PDXDC1: variants seen among roughly 807,000 people sequenced by gnomAD.
PDXDC1 encodes the protein pyridoxal dependent decarboxylase domain containing 1.
A neutral mutation model predicts 100.1 loss-of-function variants in PDXDC1; 42 were observed. The observed-to-expected ratio is 0.42, with a 90% CI of 0.33 to 0.54. The LOEUF (loss-of-function observed/expected upper bound fraction) is 0.54, where lower values mean the gene tolerates loss of function less well. Ranked by LOEUF, PDXDC1 falls within the 20% of genes least tolerant of loss-of-function variation. PDXDC1 has a pLI of 0.10. For synonymous variants in PDXDC1, 260 were observed against 371.7 expected, an observed-to-expected ratio of 0.70 and a Z score of 3.46; for missense variants, 636 against 979.2, an observed-to-expected ratio of 0.65 and a Z score of 4.68.
At chr16:15,072,273 A>T (rs2045269485) in intron 16 of PDXDC1, among the ~76,000 whole-genome samples, 1 of 151,952 alleles carries the variant, frequency 6.6e-6, no homozygotes, top group Non-Finnish European at 1.5e-5. Context: ...AAGAAGAAGA[A>T]GAAAAGACAA....
At chr16:14,994,221 G>A (rs79690740) in intron 1 of PDXDC1, among the ~76,000 whole-genome samples, 9,835 of 115,778 alleles carry the variant, frequency 0.085, 14 homozygotes, top group Middle Eastern at 0.15. Context: ...GCCCATGCCT[G>A]TGTCCTGAAT....
chr16:15,100,947 C>A (rs900689708), intron 16 of PDXDC1, among the ~76,000 whole-genome samples: 1 of 152,204 alleles, frequency 6.6e-6, no homozygotes, highest in African/African-American at 2.4e-5. Context: ...GATCTCCCCA[C>A]TGCATCCTGC....
intron 16 of PDXDC1, among the ~76,000 whole-genome samples, chr16:15,082,565 C>G (rs148964871): frequency 6.6e-6 from 1 of 151,724 alleles, no homozygotes; most frequent in Admixed American, 6.6e-5. Flanking sequence ...CCCACCTACT[C>G]GGGAGGCTGA....
In PDXDC1 at chr16:15,063,176, T is replaced by G. The variant is rs537378199; in HGVS notation, c.1399+33120T>G. ...CAGAAAGGAGATTCCGAGAGTGTGC[T>G]CAATCAATCACAAACTGACCTTTTT... is the stretch of plus-strand genomic sequence containing the variant. On this transcript the variant is annotated intron_variant, in intron 16 of 16. Coordinates refer to the PDXDC1 transcript ENST00000535621. 61 of 1,499,358 alleles carry G rather than the reference T, an allele frequency of 4.1e-5. No individual in the cohort carries two copies. In the South Asian group the frequency reaches 5.9e-4, roughly 14 times the overall value. The allele number at this position is 1,499,358 out of a possible 1,614,324, so 92.9% of individuals were successfully genotyped here.
At chr16:15,039,845 C>T (rs1168945758), downstream of PDXDC1, 1 of 667,778 alleles carries the variant, frequency 1.5e-6, no homozygotes, top group East Asian at 2.5e-5. Context: ...GTGCTGGTCC[C>T]TGATAATGTA....
intron 3 of PDXDC1, among the ~76,000 whole-genome samples, chr16:14,999,352 C>T (rs1383980864): frequency 3.3e-5 from 5 of 152,158 alleles, no homozygotes; most frequent in Admixed American, 1.3e-4. Context: ...CAGGCATAAG[C>T]CACCGCACCT....
At chr16:15,011,342 A>G (rs2041244773) in intron 8 of PDXDC1, among the ~76,000 whole-genome samples, 1 of 152,296 alleles carries the variant, frequency 6.6e-6, no homozygotes. Flanking sequence ...TAGAGCTTGG[A>G]TATCCATATG....
chr16:15,130,883 C>T (rs1483341303), intron 16 of PDXDC1: 115 of 725,210 alleles, frequency 1.6e-4, no homozygotes, highest in Middle Eastern at 3.6e-4. Context: ...CCCTCTGCCA[C>T]GGGCCTGAAA....
At chr16:15,000,799 G>C (rs557242300) in intron 3 of PDXDC1, among the ~76,000 whole-genome samples, 1 of 151,894 alleles carries the variant, frequency 6.6e-6, no homozygotes, top group South Asian at 2.1e-4. Context: ...TAGTCCAAAC[G>C]GACAAGATCC....
chr16:14,979,313 G>A (rs570618443), intron 1 of PDXDC1, among the ~76,000 whole-genome samples: 5 of 152,260 alleles, frequency 3.3e-5, no homozygotes, highest in African/African-American at 1.2e-4. Flanking sequence ...TTTTTGAGAT[G>A]GAGTCTCCCT....
intron 16 of PDXDC1, among the ~76,000 whole-genome samples, chr16:15,049,489 C>T (rs994050302): frequency 6.6e-6 from 1 of 151,398 alleles, no homozygotes; most frequent in Non-Finnish European, 1.5e-5. Flanking sequence ...AGTGCAGTGG[C>T]GTGATCTCAG....
At chr16:15,134,984 C>T in intron 16 of PDXDC1, 1 of 416,556 alleles carries the variant, frequency 2.4e-6, no homozygotes. Flanking sequence ...GGGACATGGG[C>T]TGGGGACAGT....
At chr16:15,136,432 C>T (rs1294186348) in intron 16 of PDXDC1, 20 of 601,180 alleles carry the variant, frequency 3.3e-5, no homozygotes, top group Admixed American at 1.8e-4. Context: ...ACGGCCCCAC[C>T]GGCCGGCGCC....
intron 16 of PDXDC1, chr16:15,130,171 C>A: frequency 1.3e-6 from 2 of 1,529,478 alleles, no homozygotes; most frequent in Middle Eastern, 2.3e-4. Context: ...CTCGACTCTG[C>A]AGAGGCTCCC....
intron 1 of PDXDC1, chr16:14,988,348 G>A: frequency 6.2e-7 from 1 of 1,614,224 alleles, no homozygotes; most frequent in Non-Finnish European, 8.5e-7. Flanking sequence ...AGGAAGAGGT[G>A]GAAGAGGGTG....
chr16:15,140,490 G>T (rs377357546), downstream of PDXDC1, among the ~76,000 whole-genome samples: 12 of 151,410 alleles, frequency 7.9e-5, no homozygotes, highest in Admixed American at 7.9e-4. Flanking sequence ...AGGGCGAGAG[G>T]GAGGGAGGAA....
intron 16 of PDXDC1, chr16:15,128,269 G>A (rs1456814302): frequency 6.8e-6 from 11 of 1,610,748 alleles, no homozygotes; most frequent in African/African-American, 2.7e-5. Flanking sequence ...CAGGCTGTGC[G>A]GGGTGGCGAT....
intron 16 of PDXDC1, among the ~76,000 whole-genome samples, chr16:15,096,012 A>G (rs749280945): frequency 6.6e-6 from 1 of 152,124 alleles, no homozygotes; most frequent in Non-Finnish European, 1.5e-5. Flanking sequence ...CTGGAGGTCA[A>G]GGCTGCAGTG....
intron 22 of PDXDC1, 130 bp from the exon 23 acceptor site, chr16:15,035,886 A>G: frequency 1.0e-6 from 1 of 986,104 alleles, no homozygotes; most frequent in Non-Finnish European, 1.5e-6. Context: ...CTCCTAAAAC[A>G]CCTCAGAGCC....
Sources: gnomAD v4.1 joint callset for allele counts (sites outside exome capture counted in the v4.1 genomes callset) on GRCh38, gnomAD v4.1.1 for gene constraint, MANE v1.5 for transcripts, NCBI Gene and HGNC (gene_info 2026-07-23, HGNC 2026-07-21) for gene names.